The following ST14 variants were observed in gnomAD, a reference collection of about 807,000 sequenced individuals.
ST14 encodes suppressor of tumorigenicity 14 protein.
In ST14, 40 loss-of-function variants were observed where a neutral mutation model predicts 96.5. That is an observed-to-expected ratio of 0.41 (90% confidence interval 0.32 to 0.54). The LOEUF is 0.54. ST14 is among the 20% of genes least tolerant of loss of function. The pLI is 0.17. For synonymous variants in ST14, 506 were observed against 492.1 expected, an observed-to-expected ratio of 1.03 and a Z score of -0.37; for missense variants, 1,066 against 1,188.9, an observed-to-expected ratio of 0.90 and a Z score of 1.52.
chr11:130,202,327 G>A (rs1183762412), intron 16 of ST14, among the ~76,000 whole-genome samples: 1 of 152,200 alleles, frequency 6.6e-6, no homozygotes, highest in Non-Finnish European at 1.5e-5. Context: ...AGACCAACAT[G>A]AATAGGACTT....
chr11:130,194,240 C>A lies in ST14; in HGVS notation c.967C>A (p.Arg323=). 6.2e-7 allele frequency: 1 copy of A among 1,614,226 alleles called. No individual in the cohort carries two copies. The highest frequency in any genetic ancestry group is 8.5e-7 in the Non-Finnish European group (1 of 1,180,044). Residue 323 remains arginine (R), a synonymous_variant, in exon 8 of 19, where the codon CGG becomes AGG. Coordinates refer to ENST00000278742, the MANE Select transcript of ST14 (RefSeq NM_021978.4). The part of the protein sequence containing the change: ...LITLITNTER[R]HPGFEATFFQ... ...CACACTGATAACCAACACTGAGCGG[C>A]GGCATCCCGGCTTTGAGGCCACCTT...
chr11:130,188,234 G>A lies in ST14; in HGVS notation c.202G>A (p.Val68Ile), dbSNP rs764998645. 11 of 1,613,994 alleles carry A rather than the reference G, an allele frequency of 6.8e-6. No homozygotes were observed. The highest frequency in any genetic ancestry group is 1.6e-4 in the Middle Eastern group (1 of 6,084). ...AGCCGTGCTGATCGGCCTCCTCTTG[G>A]TCTTGCTGGGGATCGGCTTCCTGGT... ...LAAVLIGLLL[V>I]LLGIGFLVWH... The change falls in exon 2 of 19, where the codon GTC becomes ATC. Residue 68 changes from valine (V) to isoleucine (I), a missense_variant. Transcript: ENST00000278742. This position sits in a 1 kb window ranked among gnomAD's most constrained non-coding sequence, Gnocchi z 5.4.
At chr11:130,165,829 T>C (rs1192215716) in intron 1 of ST14, among the ~76,000 whole-genome samples, 1 of 152,210 alleles carries the variant, frequency 6.6e-6, no homozygotes, top group African/African-American at 2.4e-5. Context: ...AAAGGGTTTG[T>C]GTAAAGGCAG....
At chr11:130,195,927 C>T (rs1346689666) in intron 9 of ST14, among the ~76,000 whole-genome samples, 2 of 150,658 alleles carry the variant, frequency 1.3e-5, no homozygotes, top group Non-Finnish European at 2.9e-5. Context: ...GAGGCCGAGG[C>T]GGGCAGATCA....
In ST14 at chr11:130,207,431, G is replaced by A. The variant is rs181464289; in HGVS notation, c.1995-979G>A. Among the ~76,000 whole-genome samples the A allele has an allele frequency of 4.6e-3, 702 of 152,294 alleles. 7 individuals are homozygous for A. Among genetic ancestry groups the A allele is most frequent in the African/African-American group, 0.016 (677 of 41,562 alleles). On this transcript the variant is annotated intron_variant, in intron 16 of 18. Transcript: ENST00000278742. ...CCAGGCGTGGCTGCACATGCCTGTAGTCCCAGCTACTCGGGAGGCTGAGGC... is the reference window on the plus strand; with the variant it reads ...CCAGGCGTGGCTGCACATGCCTGTAATCCCAGCTACTCGGGAGGCTGAGGC...
Position 130,200,126 on chromosome 11 carries a change from C to T in ST14, c.1983C>T (p.Asp661=). The T allele has an allele frequency of 6.2e-7, 1 of 1,614,172 alleles. No individual in the cohort carries two copies. The part of the protein sequence containing the change: ...LVSAAHCYID[D]RGFRYSDPTQ... ...CTGCCGCACACTGCTACATCGATGA[C>T]AGAGGATTCAGGTGGGTCTCTGGGT... The change falls in exon 16 of 19, where the codon GAC becomes GAT. Residue 661 remains aspartate (D), a synonymous_variant. Transcript: ENST00000278742.
In ST14 at chr11:130,188,850, A is replaced by C. The variant is rs202012495; in HGVS notation, c.370-19A>C. On this transcript the variant is annotated intron_variant, in intron 3 of 18. Coordinates refer to ENST00000278742, the MANE Select transcript of ST14 (RefSeq NM_021978.4). This position sits in a 1 kb window ranked among gnomAD's most constrained non-coding sequence, Gnocchi z 5.4. The stretch of plus-strand genomic sequence containing the variant: ...TCATCGCCGCATGGGGCTCACCTTG[A>C]GTCTCTGCCCTTCCTCAGCTGAAGC... The C allele has an allele frequency of 1.0e-4, 164 of 1,611,846 alleles. No individual in the cohort carries two copies. In the Middle Eastern group the frequency reaches 4.1e-3, roughly 41 times the overall value.
chr11:130,179,186 C>G (rs775585460), intron 1 of ST14, among the ~76,000 whole-genome samples: 1 of 152,180 alleles, frequency 6.6e-6, no homozygotes, highest in Non-Finnish European at 1.5e-5. Context: ...CTTCCACATC[C>G]GAGGCCCTGC....
At position 130,198,394 on chromosome 11, in the gene ST14, G is replaced by A; in HGVS notation, c.1546G>A (p.Asp516Asn). 6.2e-7 allele frequency: 1 copy of A among 1,614,174 alleles called. No homozygotes were observed. Among genetic ancestry groups the A allele is most frequent in the South Asian group, 1.1e-5 (1 of 91,090 alleles). ...CTGCGACAGTGTGAACGACTGCGGA[G>A]ACAACAGCGACGAGCAGGGGTGCAG... ...WVCDSVNDCG[D>N]NSDEQGCSCP... is the part of the protein sequence containing the mutation. Residue 516 changes from aspartate to asparagine, a missense_variant, in exon 13 of 19, where the codon GAC becomes AAC. Physicochemically the swap from Asp to Asn is conservative, Grantham distance 23. Transcript: ENST00000278742.
At chr11:130,190,411 A>G (rs1301773917) in intron 6 of ST14, 43 bp from the exon 7 acceptor site, 3 of 1,603,168 alleles carry the variant, frequency 1.9e-6, no homozygotes, top group East Asian at 2.2e-5. Flanking sequence ...AGCTCTGCCC[A>G]GCCCTGCCCC....
At chr11:130,190,910 GC>G (rs1378622247) in intron 7 of ST14, among the ~76,000 whole-genome samples, 4 of 152,266 alleles carry the variant, frequency 2.6e-5, no homozygotes, top group African/African-American at 9.6e-5. Flanking sequence ...GCAGAGGAAG[GC>G]TCTATAGTCC....
intron 4 of ST14, 129 bp from the exon 5 acceptor site, chr11:130,189,609 TG>T: frequency 8.3e-7 from 1 of 1,205,504 alleles, no homozygotes. Context: ...CAAGAGGAGC[TG>T]GGGAAGGGCC....
chr11:130,191,901 C>T (rs1953307136), intron 7 of ST14, among the ~76,000 whole-genome samples: 1 of 152,156 alleles, frequency 6.6e-6, no homozygotes. Flanking sequence ...GGAGGTGGGG[C>T]TGGGCCCCCA....
At chr11:130,189,689 G>T (rs574932877) in intron 4 of ST14, 50 bp from the exon 5 acceptor site, 10 of 1,601,262 alleles carry the variant, frequency 6.2e-6, no homozygotes, top group Admixed American at 1.7e-5. Context: ...GGGCGCACGT[G>T]GGGGAAATGG....
intron 17 of ST14, among the ~76,000 whole-genome samples, chr11:130,208,930 G>C (rs1343621644): frequency 6.6e-6 from 1 of 152,178 alleles, no homozygotes; most frequent in Non-Finnish European, 1.5e-5. Context: ...AGTTGCTTAA[G>C]CTCTGATCCT....
chr11:130,190,120 C>T lies in ST14; in HGVS notation c.606C>T (p.Asp202=). 2 of 1,614,192 alleles carry T rather than the reference C, an allele frequency of 1.2e-6. No individual in the cohort carries two copies. The highest frequency in any genetic ancestry group is 2.2e-5 in the East Asian group (1 of 44,872). The part of the protein sequence containing the change: ...VVTSVVAFPT[D]SKTVQRTQDN... ...CTCCTTCTTATTCTTCAGCCACGGA[C>T]TCCAAAACAGTACAGAGGACCCAGG... is the stretch of plus-strand genomic sequence containing the variant. Residue 202 remains aspartate, a synonymous_variant, in exon 6 of 19, where the codon GAC becomes GAT. Transcript: ENST00000278742.
chr11:130,198,105 C>A (rs1953387571), intron 12 of ST14, among the ~76,000 whole-genome samples, 160 bp downstream of exon 12: 1 of 152,104 alleles, frequency 6.6e-6, no homozygotes, highest in Non-Finnish European at 1.5e-5. Context: ...CCCCACCCTG[C>A]CATATGGAGA....
intron 11 of ST14, among the ~76,000 whole-genome samples, chr11:130,197,500 A>G (rs1263320633): frequency 6.6e-6 from 1 of 152,224 alleles, no homozygotes; most frequent in African/African-American, 2.4e-5. Flanking sequence ...CCTCAGGGGC[A>G]CCAGGCAGCC....
chr11:130,164,410 T>G (rs977438473), intron 1 of ST14, among the ~76,000 whole-genome samples: 13 of 151,538 alleles, frequency 8.6e-5, no homozygotes, highest in South Asian at 2.1e-4. Context: ...CAGAGACAAG[T>G]GTTGTTATTA....
Sources: allele counts gnomAD v4.1 joint callset (sites outside exome capture counted in the v4.1 genomes callset), GRCh38; gene constraint gnomAD v4.1.1; non-coding constraint Gnocchi (gnomAD v3.1); transcripts MANE v1.5; gene names NCBI Gene and HGNC (gene_info 2026-07-23, HGNC 2026-07-21).